The following ADAMTSL1 variants were observed in gnomAD, a reference collection of about 807,000 sequenced individuals.
ADAMTSL1 encodes ADAMTS-like protein 1.
In ADAMTSL1, 126 loss-of-function variants were observed where a neutral mutation model predicts 201.8. The observed-to-expected ratio is 0.62, with a 90% CI of 0.54 to 0.72. The LOEUF is 0.72. ADAMTSL1 is among the 30% of genes least tolerant of loss of function. The pLI is 0.00. For missense variants in ADAMTSL1, 2,679 were observed against 2,277.8 expected (o/e 1.18, Z -3.59); for synonymous variants, 1,121 against 903.4 (o/e 1.24, Z -4.32).
Position 18,721,675 on chromosome 9 carries a change from G to A in ADAMTSL1, c.2006+10G>A, listed in dbSNP as rs199664573. ...ATCCCTGCCCAGCAAGGTAAGGGAT[G>A]TGTGGCCTGCCCTGCTGTCCAGGGG... On this transcript the variant is annotated intron_variant, in intron 15 of 28. Coordinates refer to ENST00000380548, the MANE Select transcript of ADAMTSL1 (RefSeq NM_001040272.6). 1.2e-6 allele frequency: 2 copies of A among 1,613,522 alleles called. No homozygotes were observed. The highest frequency in any genetic ancestry group is 8.5e-7 in the Non-Finnish European group (1 of 1,179,634).
intron 2 of ADAMTSL1, among the ~76,000 whole-genome samples, chr9:18,242,213 A>G (rs186904259): frequency 5.7e-4 from 87 of 152,314 alleles, no homozygotes; most frequent in Non-Finnish European, 8.7e-4. Context: ...AACATATGCA[A>G]ATCAATCAAT....
chr9:18,296,377 A>G (rs1026602121), intron 2 of ADAMTSL1, among the ~76,000 whole-genome samples: 1 of 152,178 alleles, frequency 6.6e-6, no homozygotes, highest in African/African-American at 2.4e-5. Flanking sequence ...ATTGGATATT[A>G]TATTAGGGAA....
chr9:18,492,621 T>G (rs1822323270), intron 1 of ADAMTSL1, among the ~76,000 whole-genome samples: 1 of 152,204 alleles, frequency 6.6e-6, no homozygotes, highest in South Asian at 2.1e-4. Context: ...GTATTAGCAC[T>G]TATATTTAAA....
At chr9:18,630,283 GA>G (rs1405180789) in intron 5 of ADAMTSL1, among the ~76,000 whole-genome samples, 1 of 152,134 alleles carries the variant, frequency 6.6e-6, no homozygotes, top group Non-Finnish European at 1.5e-5. Flanking sequence ...TGGCTGATGG[GA>G]TAAGATACTA....
At chr9:18,363,464 C>G (rs145148248) in intron 2 of ADAMTSL1, among the ~76,000 whole-genome samples, 1 of 152,166 alleles carries the variant, frequency 6.6e-6, no homozygotes, top group Non-Finnish European at 1.5e-5. Flanking sequence ...TCAGTTTTGC[C>G]TTGCCTCTTC....
intron 2 of ADAMTSL1, among the ~76,000 whole-genome samples, chr9:18,262,831 C>T (rs1487363274): frequency 6.6e-6 from 1 of 152,192 alleles, no homozygotes; most frequent in East Asian, 1.9e-4. Context: ...CAAATGACAA[C>T]AGAGAAAGTA....
At chr9:18,324,607 A>G (rs1834755135) in intron 2 of ADAMTSL1, among the ~76,000 whole-genome samples, 1 of 152,054 alleles carries the variant, frequency 6.6e-6, no homozygotes. Context: ...TCTACTAAAA[A>G]TACAAAATTA....
chr9:17,926,053 A>G (rs1266644763), intron 1 of ADAMTSL1, among the ~76,000 whole-genome samples: 1 of 152,104 alleles, frequency 6.6e-6, no homozygotes, highest in Non-Finnish European at 1.5e-5. Flanking sequence ...CCAGCCAAAC[A>G]AAATACCTGC....
At chr9:18,653,869 C>T (rs1339010153) in intron 7 of ADAMTSL1, among the ~76,000 whole-genome samples, 2 of 152,196 alleles carry the variant, frequency 1.3e-5, no homozygotes, top group African/African-American at 2.4e-5. Flanking sequence ...TAGTAAGTAG[C>T]ATTTTGGCAA....
intron 2 of ADAMTSL1, among the ~76,000 whole-genome samples, chr9:18,340,909 G>A (rs538639334): frequency 4.6e-5 from 7 of 152,172 alleles, no homozygotes; most frequent in African/African-American, 1.7e-4. Flanking sequence ...GACTAATACA[G>A]TCTACTTACC....
At chr9:18,521,480 G>T (rs913542607) in intron 2 of ADAMTSL1, among the ~76,000 whole-genome samples, 9 of 150,932 alleles carry the variant, frequency 6.0e-5, no homozygotes, top group African/African-American at 2.2e-4. Flanking sequence ...GCATTGTCCT[G>T]AATAAATATA....
intron 13 of ADAMTSL1, among the ~76,000 whole-genome samples, chr9:18,688,163 G>A (rs1205067565): frequency 6.7e-6 from 1 of 149,462 alleles, no homozygotes; most frequent in Admixed American, 6.7e-5. Context: ...CACTCTTGTC[G>A]CCCAGGCTGG....
chr9:18,873,181 T>C (rs1402177254), intron 23 of ADAMTSL1, among the ~76,000 whole-genome samples: 1 of 152,032 alleles, frequency 6.6e-6, no homozygotes, highest in African/African-American at 2.4e-5. Flanking sequence ...TTGCATTCCT[T>C]ATAGATTCTG....
intron 1 of ADAMTSL1, among the ~76,000 whole-genome samples, chr9:18,490,645 G>A (rs1237641692): frequency 6.6e-6 from 1 of 152,146 alleles, no homozygotes; most frequent in Non-Finnish European, 1.5e-5. Flanking sequence ...AGGGGCCTGA[G>A]GAAAGAGTCT....
At chr9:18,089,517 T>A (rs912096255) in intron 1 of ADAMTSL1, among the ~76,000 whole-genome samples, 1 of 152,158 alleles carries the variant, frequency 6.6e-6, no homozygotes, top group Non-Finnish European at 1.5e-5. Flanking sequence ...CTAACGTAGA[T>A]GACGGGTTGA....
Position 18,002,324 on chromosome 9 carries a change from G to C in ADAMTSL1, c.87+95402G>C, listed in dbSNP as rs78062505. Among the ~76,000 whole-genome samples, 622 of 152,060 alleles carry C rather than the reference G, an allele frequency of 4.1e-3. 13 individuals are homozygous for C. Among genetic ancestry groups the C allele is most frequent in the Admixed American group, 0.028 (427 of 15,266 alleles). ...AATTAAATAAAAACCAAACACCTGA[G>C]TTCAGATTCTGGTTCCACAATATTG... On this transcript the variant is annotated intron_variant, in intron 1 of 29. Transcript: ENST00000680146.
chr9:18,045,649 C>T (rs1821625929), intron 1 of ADAMTSL1, among the ~76,000 whole-genome samples: 2 of 151,980 alleles, frequency 1.3e-5, no homozygotes, highest in African/African-American at 4.8e-5. Context: ...TAGGCCATAG[C>T]TTTCGGCAGT....
intron 1 of ADAMTSL1, among the ~76,000 whole-genome samples, chr9:18,045,438 G>A (rs1821615855): frequency 6.6e-6 from 1 of 151,964 alleles, no homozygotes; most frequent in Non-Finnish European, 1.5e-5. Flanking sequence ...CTGACTCTAG[G>A]CAAATTTAGC....
intron 23 of ADAMTSL1, among the ~76,000 whole-genome samples, chr9:18,845,138 C>A (rs1015924485): frequency 7.9e-5 from 12 of 152,158 alleles, no homozygotes; most frequent in Non-Finnish European, 1.3e-4. Flanking sequence ...CATTGCTCAC[C>A]CTGGGAGCTG....
Sources: allele counts gnomAD v4.1 joint callset (sites outside exome capture counted in the v4.1 genomes callset), GRCh38; gene constraint gnomAD v4.1.1; transcripts MANE v1.5; gene names NCBI Gene and HGNC (gene_info 2026-07-23, HGNC 2026-07-21).